The following FARP1 variants were observed in gnomAD, a reference collection of about 807,000 sequenced individuals.
The protein encoded by FARP1 is FERM, ARHGEF and pleckstrin domain-containing protein 1.
In FARP1, 52 loss-of-function variants were observed where a neutral mutation model predicts 128.8. The observed-to-expected ratio is 0.40, with a 90% CI of 0.32 to 0.51. The LOEUF is 0.51. Ranked by LOEUF, FARP1 falls within the 20% of genes least tolerant of loss-of-function variation. The pLI is 0.45. For missense variants in FARP1, 1,333 were observed against 1,367.9 expected (o/e 0.97, Z 0.40); for synonymous variants, 580 against 551.8 (o/e 1.05, Z -0.72).
chr13:98,411,129 C>T (rs1399155446), intron 15 of FARP1, among the ~76,000 whole-genome samples: 1 of 152,158 alleles, frequency 6.6e-6, no homozygotes, highest in African/African-American at 2.4e-5. Flanking sequence ...TGCCCATTGC[C>T]AAGTATAACT....
At chr13:98,310,372 G>C (rs770299639) in intron 2 of FARP1, among the ~76,000 whole-genome samples, 1 of 152,148 alleles carries the variant, frequency 6.6e-6, no homozygotes, top group Non-Finnish European at 1.5e-5. Flanking sequence ...TCAGTAATTA[G>C]GCATCACAAA....
At chr13:98,239,753 G>A (rs1271356891) in intron 2 of FARP1, among the ~76,000 whole-genome samples, 2 of 152,076 alleles carry the variant, frequency 1.3e-5, no homozygotes, top group Non-Finnish European at 2.9e-5. Context: ...GAGGAGATGA[G>A]CGGGGAGGGG....
At chr13:98,226,951 T>C (rs1815390) in intron 2 of FARP1, among the ~76,000 whole-genome samples, 27,450 of 151,972 alleles carry the variant, frequency 0.18, 2,603 homozygotes, top group East Asian at 0.25. Flanking sequence ...TTCTTTCTTT[T>C]TTTTTTTGAG....
intron 2 of FARP1, among the ~76,000 whole-genome samples, chr13:98,278,392 CAT>C (rs1566826101): frequency 1.3e-5 from 2 of 151,728 alleles, no homozygotes; most frequent in Admixed American, 6.6e-5. Flanking sequence ...GTGCACGTTG[CAT>C]ATGTGTGTGA....
chr13:98,370,786 G>A (rs1054072940), intron 5 of FARP1, among the ~76,000 whole-genome samples: 1 of 152,182 alleles, frequency 6.6e-6, no homozygotes, highest in Non-Finnish European at 1.5e-5. Context: ...CCACTGCTTT[G>A]TGTTTTCTGA....
At chr13:98,359,943 A>G (rs1888796328) in intron 3 of FARP1, among the ~76,000 whole-genome samples, 1 of 152,190 alleles carries the variant, frequency 6.6e-6, no homozygotes, top group Non-Finnish European at 1.5e-5. Context: ...CCTGACTGAA[A>G]TGGAGCAAGA....
intron 2 of FARP1, among the ~76,000 whole-genome samples, chr13:98,256,949 A>ATG (rs1883629277): frequency 9.2e-5 from 2 of 21,688 alleles, no homozygotes; most frequent in Non-Finnish European, 7.2e-5. Flanking sequence ...ATATATGTGG[A>ATG]TATATATATA....
At chr13:98,307,845 C>T (rs1026089252) in intron 2 of FARP1, among the ~76,000 whole-genome samples, 7 of 152,102 alleles carry the variant, frequency 4.6e-5, no homozygotes, top group African/African-American at 1.7e-4. Context: ...TAATGTTACT[C>T]TTTTGGAAAA....
intron 2 of FARP1, among the ~76,000 whole-genome samples, chr13:98,255,912 G>T (rs995232706): frequency 2.0e-5 from 3 of 152,194 alleles, no homozygotes; most frequent in African/African-American, 7.2e-5. Context: ...GCCATTGTGT[G>T]CGCAGTCAGC....
chr13:98,395,844 T>G lies in FARP1; in HGVS notation c.1414+368T>G, dbSNP rs908523781. The G allele has an allele frequency of 1.2e-5, 5 of 400,746 alleles. No homozygotes were observed. In the Admixed American group the frequency reaches 1.7e-4, roughly 14 times the overall value. 24.8% of individuals were successfully genotyped at this position (400,746 alleles called of 1,614,324 possible). A position where few individuals can be genotyped will look rare whatever the true frequency, so the allele number is the denominator to read the frequency against. ...ATGAAATGTTCAAGGGCTCGGCTGG[T>G]CACAGCCCCCTGGCCACCCCATTGT... is the stretch of plus-strand genomic sequence containing the variant. On this transcript the variant is annotated intron_variant, in intron 13 of 26. Coordinates refer to ENST00000319562, the MANE Select transcript of FARP1 (RefSeq NM_005766.4).
At chr13:98,437,527 T>G (rs1170653240) in intron 19 of FARP1, among the ~76,000 whole-genome samples, 1 of 151,000 alleles carries the variant, frequency 6.6e-6, no homozygotes, top group Non-Finnish European at 1.5e-5. Context: ...AAAGGCTTGC[T>G]GGGGATTTTT....
At chr13:98,420,205 A>G (rs1333386099) in intron 16 of FARP1, among the ~76,000 whole-genome samples, 2 of 152,134 alleles carry the variant, frequency 1.3e-5, no homozygotes, top group African/African-American at 4.8e-5. Flanking sequence ...ATAGGAGGGC[A>G]AAGTATTGAT....
At chr13:98,274,535 A>G (rs776291664) in intron 2 of FARP1, among the ~76,000 whole-genome samples, 1 of 152,280 alleles carries the variant, frequency 6.6e-6, no homozygotes, top group Non-Finnish European at 1.5e-5. Flanking sequence ...AAAATCAGGG[A>G]TTGAAAGTTT....
In FARP1 at chr13:98,390,136, T is replaced by C. The variant is rs2256823; in HGVS notation, c.1019+16T>C. 0.2 allele frequency: 323,534 copies of C among 1,609,740 alleles called. 38,571 individuals carry two copies. The highest frequency in any genetic ancestry group is 0.56 in the African/African-American group (41,526 of 74,754). ...TTCGGTTCAGGTGAGGTCGCCACTTTGTGCCTCTGTTTGCTGGGTGCACGT... is the reference window on the plus strand; with the variant it reads ...TTCGGTTCAGGTGAGGTCGCCACTTCGTGCCTCTGTTTGCTGGGTGCACGT... On this transcript the variant is annotated intron_variant, in intron 10 of 26. Coordinates refer to ENST00000319562, the MANE Select transcript of FARP1 (RefSeq NM_005766.4).
intron 2 of FARP1, among the ~76,000 whole-genome samples, chr13:98,298,107 C>G (rs960173178): frequency 1.3e-5 from 2 of 152,194 alleles, no homozygotes; most frequent in African/African-American, 4.8e-5. Flanking sequence ...GGAACTGCCC[C>G]AAGCCCCAGA....
In FARP1 at chr13:98,431,145, C is replaced by G. The variant is rs755915766; in HGVS notation, c.2008C>G (p.Leu670Val). The G allele has an allele frequency of 1.6e-5, 26 of 1,613,994 alleles. No individual in the cohort carries two copies. Among genetic ancestry groups the G allele is most frequent in the Non-Finnish European group, 2.2e-5 (26 of 1,179,984 alleles). Reference sequence around the variant, plus strand: ...GGAGAACTTCTGCAGAGACTTTGAGCTGCAGAAGGTGTGTTACCTACCGCT... The same window carrying G: ...GGAGAACTTCTGCAGAGACTTTGAGGTGCAGAAGGTGTGTTACCTACCGCT... The part of the protein sequence containing the change: ...RLENFCRDFE[L>V]QKVCYLPLNT... The change falls in exon 18 of 27, where the codon CTG becomes GTG. Residue 670 changes from leucine (L) to valine (V), a missense_variant. By Grantham distance (32) the Leu-to-Val change is conservative. Around this residue, in one of 2 missense-constraint regions of FARP1, gnomAD observed 1,009 missense variants for 969.8 expected, o/e 1.04. Transcript: ENST00000319562.
chr13:98,282,818 T>C (rs1416633581), intron 2 of FARP1, among the ~76,000 whole-genome samples: 1 of 152,076 alleles, frequency 6.6e-6, no homozygotes, highest in Non-Finnish European at 1.5e-5. Context: ...GGAGAATCGC[T>C]TGAACCCAGG....
chr13:98,332,090 CTT>C (rs1887534122), intron 2 of FARP1, among the ~76,000 whole-genome samples: 2 of 151,788 alleles, frequency 1.3e-5, no homozygotes, highest in African/African-American at 4.8e-5. Flanking sequence ...CGTAACATAA[CTT>C]TACCATTTTA....
intron 2 of FARP1, among the ~76,000 whole-genome samples, chr13:98,223,270 T>A (rs934836931): frequency 1.3e-5 from 2 of 152,234 alleles, no homozygotes; most frequent in African/African-American, 4.8e-5. Flanking sequence ...AATAATGTCT[T>A]CCTTCAGTTG....
Sources: allele counts gnomAD v4.1 joint callset (sites outside exome capture counted in the v4.1 genomes callset), GRCh38; gene constraint gnomAD v4.1.1; regional missense constraint gnomAD v4.1.1; transcripts MANE v1.5; gene names NCBI Gene and HGNC (gene_info 2026-07-23, HGNC 2026-07-21).